RAI1: variants seen among roughly 807,000 people sequenced by gnomAD.
RAI1 encodes retinoic acid-induced protein 1.
A neutral mutation model predicts 123.8 loss-of-function variants in RAI1; 9 were observed. The ratio of observed to expected loss-of-function variants is 0.07; its 90% CI spans 0.04 to 0.13. The LOEUF (loss-of-function observed/expected upper bound fraction) is 0.13. Among genes scored for constraint, RAI1 ranks in the 10% least tolerant of loss-of-function variants. RAI1 has a pLI of 1.00. For missense variants in RAI1, 2,256 were observed against 2,545.8 expected (o/e 0.89, Z 2.45); for synonymous variants, 1,231 against 1,127.3 (o/e 1.09, Z -1.84).
chr17:17,697,124 T>G (rs1319028613), intron 1 of RAI1, among the ~76,000 whole-genome samples: 1 of 152,156 alleles, frequency 6.6e-6, no homozygotes, highest in Non-Finnish European at 1.5e-5. Flanking sequence ...ACGGTTCAAT[T>G]CTAACACATC....
intron 2 of RAI1, among the ~76,000 whole-genome samples, chr17:17,734,369 G>A (rs967646834): frequency 2.6e-5 from 4 of 152,014 alleles, no homozygotes; most frequent in Admixed American, 6.5e-5. Flanking sequence ...ACCTGAGCCC[G>A]GGAGGTCAAG....
At chr17:17,804,179 G>A in intron 4 of RAI1, 1 of 395,790 alleles carries the variant, frequency 2.5e-6, no homozygotes, top group South Asian at 2.2e-5. Flanking sequence ...GAGAGAAAGG[G>A]GTATTGGAGG....
chr17:17,797,273 T>G lies in RAI1; in HGVS notation c.4325T>G (p.Leu1442Arg). ...PEALQPGGTALAPKKRSRKGR... is the reference protein window; with the variant it reads ...PEALQPGGTARAPKKRSRKGR... ...GCCCTGCAGCCTGGGGGGACTGCCC[T>G]GGCGCCTAAGAAGAGGAGCCGGAAA... is the stretch of plus-strand genomic sequence containing the variant. The change falls in exon 3 of 6, where the codon CTG (leucine) becomes CGG (arginine). Residue 1442 changes from leucine to arginine, a missense_variant. Leu to Arg is a moderately radical substitution (Grantham distance 102). This residue lies in a region of RAI1 where 410 missense variants were observed against 374.6 expected (regional missense o/e 1.09). Coordinates refer to ENST00000353383, the MANE Select transcript of RAI1 (RefSeq NM_030665.4). The G allele has an allele frequency of 6.2e-7, 1 of 1,612,948 alleles. No homozygotes were observed. The highest frequency in any genetic ancestry group is 2.2e-5 in the East Asian group (1 of 44,866).
intron 2 of RAI1, among the ~76,000 whole-genome samples, chr17:17,770,597 G>A (rs1174921872): frequency 6.9e-6 from 1 of 144,674 alleles, no homozygotes; most frequent in Admixed American, 6.8e-5. Flanking sequence ...CAGGTCAGGG[G>A]CCAGGGCCTG....
At chr17:17,789,239 C>T (rs1215306257) in intron 2 of RAI1, among the ~76,000 whole-genome samples, 3 of 152,358 alleles carry the variant, frequency 2.0e-5, no homozygotes, top group Non-Finnish European at 1.5e-5. Context: ...AGCTTCCCTG[C>T]GGGTGGGCTC....
intron 2 of RAI1, among the ~76,000 whole-genome samples, chr17:17,755,016 G>A (rs772192316): frequency 4.6e-5 from 7 of 152,352 alleles, no homozygotes; most frequent in Non-Finnish European, 1.0e-4. Context: ...GTCAGGAGAG[G>A]AGAGGAAATA....
chr17:17,748,639 A>C (rs2030022107), intron 2 of RAI1, among the ~76,000 whole-genome samples: 1 of 152,202 alleles, frequency 6.6e-6, no homozygotes, highest in Non-Finnish European at 1.5e-5. Flanking sequence ...TAGGTTCTTA[A>C]ATGATGATAG....
At chr17:17,763,868 GA>G (rs1217302825) in intron 2 of RAI1, among the ~76,000 whole-genome samples, 2 of 152,252 alleles carry the variant, frequency 1.3e-5, no homozygotes, top group Non-Finnish European at 2.9e-5. Context: ...CCAGGTCTCT[GA>G]CCAGACAGCT....
intron 2 of RAI1, among the ~76,000 whole-genome samples, chr17:17,775,534 T>TAACACACATTTGGTA (rs2031311675): frequency 6.6e-6 from 1 of 151,830 alleles, no homozygotes; most frequent in East Asian, 1.9e-4. Flanking sequence ...CCCAGTCAAT[T>TAACACACATTTGGTA]AACACACATT....
intron 2 of RAI1, among the ~76,000 whole-genome samples, chr17:17,789,571 A>G (rs1294058511): frequency 1.3e-5 from 2 of 152,174 alleles, no homozygotes; most frequent in Non-Finnish European, 2.9e-5. Context: ...TTGCTGTGTC[A>G]AGGGGAATCC....
intron 2 of RAI1, among the ~76,000 whole-genome samples, chr17:17,780,362 G>C (rs1198912577): frequency 6.6e-6 from 1 of 151,978 alleles, no homozygotes. Context: ...CATCGCACCC[G>C]GCCACCCACC....
intron 4 of RAI1, among the ~76,000 whole-genome samples, chr17:17,805,080 C>T (rs1207936019): frequency 6.6e-6 from 1 of 152,102 alleles, no homozygotes; most frequent in African/African-American, 2.4e-5. Flanking sequence ...ACAGGATGGT[C>T]TCCATCTCTT....
intron 2 of RAI1, among the ~76,000 whole-genome samples, chr17:17,728,169 G>C (rs1916155395): frequency 6.6e-6 from 1 of 152,082 alleles, no homozygotes; most frequent in Admixed American, 6.5e-5. Flanking sequence ...GCGCGTGCAT[G>C]CATGTGTGCA....
At position 17,797,001 on chromosome 17, in the gene RAI1, C is replaced by A. The variant is rs745618217; in HGVS notation, c.4053C>A (p.Ala1351=). 1.2e-6 allele frequency: 2 copies of A among 1,613,872 alleles called. No individual in the cohort carries two copies. Among genetic ancestry groups the A allele is most frequent in the Non-Finnish European group, 1.7e-6 (2 of 1,180,042 alleles). Residue 1351 remains alanine, a synonymous_variant, in exon 3 of 6, where the codon GCC becomes GCA. Transcript: ENST00000353383. ...LKKFACKAPG[A]SPGNPLSPSL... is the part of the protein sequence containing the mutation. ...AGTTCGCATGTAAAGCGCCAGGGGCCTCTCCTGGTAATCCTCTGAGCCCAT... is the reference window on the plus strand; with the variant it reads ...AGTTCGCATGTAAAGCGCCAGGGGCATCTCCTGGTAATCCTCTGAGCCCAT...
intron 2 of RAI1, among the ~76,000 whole-genome samples, chr17:17,738,380 C>T (rs958527196): frequency 4.0e-5 from 2 of 50,456 alleles, no homozygotes; most frequent in African/African-American, 7.9e-5. Context: ...CTGGGTGAGG[C>T]GGCTGGCCTG....
intron 1 of RAI1, among the ~76,000 whole-genome samples, chr17:17,716,983 A>G (rs1369076139): frequency 6.6e-6 from 1 of 152,192 alleles, no homozygotes; most frequent in Non-Finnish European, 1.5e-5. Flanking sequence ...AGGCTGTAGC[A>G]GGCTAAGAGG....
At chr17:17,783,527 A>G (rs937043959) in intron 2 of RAI1, among the ~76,000 whole-genome samples, 8 of 152,134 alleles carry the variant, frequency 5.3e-5, no homozygotes, top group Non-Finnish European at 8.8e-5. Context: ...CGGCTGAAAC[A>G]TCTGTTGCAG....
In RAI1 at chr17:17,718,975, A is replaced by G. The variant is rs185429133; in HGVS notation, c.-148-5053A>G. Among the ~76,000 whole-genome samples, 273 of 152,308 alleles carry G rather than the reference A, an allele frequency of 1.8e-3. 3 individuals are homozygous for G. Among genetic ancestry groups the G allele is most frequent in the South Asian group, 0.015 (74 of 4,826 alleles). On this transcript the variant is annotated intron_variant, in intron 1 of 5. Coordinates refer to ENST00000353383, the MANE Select transcript of RAI1 (RefSeq NM_030665.4). ...ATGGCAGATCCCAGCAGCCGTATCCATCCTTCTTGCAAGTTGCTCAGGCAA... is the reference window on the plus strand; with the variant it reads ...ATGGCAGATCCCAGCAGCCGTATCCGTCCTTCTTGCAAGTTGCTCAGGCAA...
At chr17:17,711,386 C>G (rs1471157031) in intron 1 of RAI1, among the ~76,000 whole-genome samples, 1 of 152,180 alleles carries the variant, frequency 6.6e-6, no homozygotes, top group Non-Finnish European at 1.5e-5. Flanking sequence ...CAAGTCAGAC[C>G]CTCCTGTGTG....
Sources: gnomAD v4.1 joint callset for allele counts (sites outside exome capture counted in the v4.1 genomes callset) on GRCh38, gnomAD v4.1.1 for gene constraint, gnomAD v4.1.1 regional missense constraint, MANE v1.5 for transcripts, NCBI Gene and HGNC (gene_info 2026-07-23, HGNC 2026-07-21) for gene names.